Variants in CERT1 observed in about 807,000 individuals in gnomAD.
CERT1 encodes the protein ceramide transfer protein.
A neutral mutation model predicts 87.9 loss-of-function variants in CERT1; 31 were observed. That is an observed-to-expected ratio of 0.35 (90% CI 0.27 to 0.48). The LOEUF (loss-of-function observed/expected upper bound fraction) is 0.48, where lower values mean the gene tolerates loss of function less well. Among genes scored for constraint, CERT1 ranks in the 20% least tolerant of loss-of-function variants. The probability of loss-of-function intolerance (pLI) is 0.99; values close to 1 mark genes in which losing one functional copy is unlikely to be tolerated. For synonymous variants in CERT1, 289 were observed against 250.9 expected (o/e 1.15, Z -1.44); for missense variants, 487 against 758.0 (o/e 0.64, Z 4.20).
chr5:75,426,961 C>A (rs1363067055), intron 3 of CERT1, among the ~76,000 whole-genome samples: 3 of 152,212 alleles, frequency 2.0e-5, no homozygotes, highest in Non-Finnish European at 4.4e-5. Flanking sequence ...ATTCTTAACA[C>A]ATCACAATTA....
downstream of CERT1, chr5:75,377,532 A>C (rs1761371043): frequency 6.6e-6 from 1 of 152,364 alleles, no homozygotes; most frequent in East Asian, 1.9e-4. Context: ...ATACTGTATA[A>C]CCATCAAAAT....
At chr5:75,451,490 GACTTGGTTCTAACAC>G in intron 3 of CERT1, among the ~76,000 whole-genome samples, 1 of 152,094 alleles carries the variant, frequency 6.6e-6, no homozygotes, top group African/African-American at 2.4e-5. Context: ...GGTAAATGGA[GACTTGGTTCTAACAC>G]ACTCATGAAA....
At chr5:75,379,512 A>G in intron 16 of CERT1, 39 bp from the exon 17 acceptor site, 1 of 1,582,582 alleles carries the variant, frequency 6.3e-7, no homozygotes, top group Non-Finnish European at 8.6e-7. Context: ...TTAAGATACA[A>G]TTCTCCAAAC....
intron 3 of CERT1, among the ~76,000 whole-genome samples, chr5:75,431,989 C>T (rs894969566): frequency 6.6e-6 from 1 of 151,784 alleles, no homozygotes; most frequent in African/African-American, 2.4e-5. Context: ...GAGAAATCAC[C>T]AAACTACATT....
chr5:75,474,311 T>A (rs1333183760), intron 2 of CERT1, among the ~76,000 whole-genome samples: 1 of 152,132 alleles, frequency 6.6e-6, no homozygotes, highest in African/African-American at 2.4e-5. Flanking sequence ...GAGCTCGGAT[T>A]TTGAGGCAGT....
At chr5:75,421,278 G>C (rs144903932) in intron 5 of CERT1, among the ~76,000 whole-genome samples, 178 of 152,194 alleles carry the variant, frequency 1.2e-3, no homozygotes, top group Non-Finnish European at 2.3e-3. Flanking sequence ...AGCCCAATTC[G>C]ATACCTTATT....
In CERT1 at chr5:75,511,313, T is replaced by G. The variant is rs761720711; in HGVS notation, c.-106A>C. 2 of 1,550,196 alleles carry G rather than the reference T, an allele frequency of 1.3e-6. No homozygotes were observed. The highest frequency in any genetic ancestry group is 1.4e-5 in the African/African-American group (1 of 72,942). On this transcript the variant is annotated 5_prime_UTR_variant, in exon 1 of 17. Transcript: ENST00000643780. ...GGTCGGGGGATGGCGAAGCGAAGAG[T>G]GCCCGCTCCGGTGTGGGGGGGAGCA...
intron 6 of CERT1, among the ~76,000 whole-genome samples, 166 bp downstream of exon 6, chr5:75,419,175 T>A (rs906285878): frequency 6.6e-6 from 1 of 152,236 alleles, no homozygotes; most frequent in Non-Finnish European, 1.5e-5. Flanking sequence ...TATTACATAA[T>A]GTCAGAATGT....
At chr5:75,481,318 C>A (rs960200512) in intron 2 of CERT1, among the ~76,000 whole-genome samples, 1 of 152,052 alleles carries the variant, frequency 6.6e-6, no homozygotes, top group Non-Finnish European at 1.5e-5. Context: ...AAAAACTGCC[C>A]CAATACACAC....
intron 17 of CERT1, chr5:75,370,371 A>T (rs190656731): frequency 6.6e-6 from 1 of 152,338 alleles, no homozygotes; most frequent in East Asian, 1.9e-4. Flanking sequence ...GCTGAGATTA[A>T]ACGAGATTTA....
At chr5:75,486,080 C>T (rs557852478) in intron 2 of CERT1, among the ~76,000 whole-genome samples, 1 of 152,022 alleles carries the variant, frequency 6.6e-6, no homozygotes, top group South Asian at 2.1e-4. Flanking sequence ...ATATCCCTGG[C>T]GAACATTGAT....
chr5:75,488,618 G>A (rs1459209997), intron 2 of CERT1, among the ~76,000 whole-genome samples: 1 of 151,998 alleles, frequency 6.6e-6, no homozygotes, highest in African/African-American at 2.4e-5. Flanking sequence ...TACTTGGTTG[G>A]ACATAAAATC....
intron 2 of CERT1, among the ~76,000 whole-genome samples, chr5:75,488,397 T>C (rs1458211892): frequency 6.6e-6 from 1 of 152,110 alleles, no homozygotes; most frequent in Non-Finnish European, 1.5e-5. Flanking sequence ...AAATAGTAAC[T>C]TGAAAATGTT....
chr5:75,425,157 C>G, intron 5 of CERT1: 1 of 463,422 alleles, frequency 2.2e-6, no homozygotes. Context: ...TCTTCAATGG[C>G]ATCTGGTATG....
chr5:75,402,755 G>A (rs529843802), intron 9 of CERT1: 4 of 306,268 alleles, frequency 1.3e-5, no homozygotes, highest in South Asian at 5.3e-5. Flanking sequence ...AGCCGAGATC[G>A]CGCCACTGCA....
At chr5:75,388,868 G>T (rs983561790) in intron 12 of CERT1, among the ~76,000 whole-genome samples, 1 of 151,582 alleles carries the variant, frequency 6.6e-6, no homozygotes, top group Non-Finnish European at 1.5e-5. Flanking sequence ...CAAGTAATCC[G>T]CCTGCCATGT....
intron 5 of CERT1, among the ~76,000 whole-genome samples, chr5:75,420,944 G>A (rs974588622): frequency 7.9e-5 from 12 of 152,058 alleles, no homozygotes; most frequent in African/African-American, 2.9e-4. Flanking sequence ...TCAGCCCCTT[G>A]AGCAGCTGGG....
chr5:75,374,851 A>AG (rs750893677), downstream of CERT1: 3 of 462,696 alleles, frequency 6.5e-6, no homozygotes, highest in Non-Finnish European at 1.3e-5. Flanking sequence ...TATTCTCTGG[A>AG]GAAAAATAAA....
chr5:75,465,879 T>C (rs942013279), intron 2 of CERT1, among the ~76,000 whole-genome samples: 1 of 152,140 alleles, frequency 6.6e-6, no homozygotes, highest in Non-Finnish European at 1.5e-5. Context: ...CAGCGCAACA[T>C]TCTGATAGTT....
Sources: gnomAD v4.1 joint callset for allele counts (sites outside exome capture counted in the v4.1 genomes callset) on GRCh38, gnomAD v4.1.1 for gene constraint, MANE v1.5 for transcripts, NCBI Gene and HGNC (gene_info 2026-07-23, HGNC 2026-07-21) for gene names.